TBC1D2B: variants seen among roughly 807,000 people sequenced by gnomAD.
The protein encoded by TBC1D2B is TBC1 domain family member 2B, also known as TBC1 domain family, member 2B.
A neutral mutation model predicts 100.8 loss-of-function variants in TBC1D2B; 64 were observed. That is an observed-to-expected ratio of 0.64 (90% CI 0.52 to 0.78). The LOEUF is 0.78. Among genes scored for constraint, TBC1D2B ranks in the 30% least tolerant of loss-of-function variants. The probability of loss-of-function intolerance (pLI) is 0.00; values close to 1 mark genes in which losing one functional copy is unlikely to be tolerated. For missense variants in TBC1D2B, 1,052 were observed against 1,218.4 expected (o/e 0.86, Z 2.03); for synonymous variants, 480 against 479.7 (o/e 1.00, Z -0.01).
chr15:78,004,878 G>A (rs1046871718), intron 10 of TBC1D2B, among the ~76,000 whole-genome samples: 1 of 152,168 alleles, frequency 6.6e-6, no homozygotes, highest in Non-Finnish European at 1.5e-5. Flanking sequence ...CCACATGTAA[G>A]TGGACCCATG....
intron 3 of TBC1D2B, chr15:78,034,847 G>C: frequency 3.9e-6 from 2 of 515,438 alleles, no homozygotes; most frequent in Non-Finnish European, 5.0e-6. Flanking sequence ...CCCAATTCTA[G>C]GACTGTGCAA....
intron 12 of TBC1D2B, among the ~76,000 whole-genome samples, chr15:78,000,359 C>T (rs1331671354): frequency 2.0e-5 from 3 of 152,230 alleles, no homozygotes; most frequent in Non-Finnish European, 4.4e-5. Context: ...GGACCCAGTA[C>T]AGAACTGAGG....
intron 2 of TBC1D2B, among the ~76,000 whole-genome samples, chr15:78,051,571 G>A (rs1489974018): frequency 1.3e-5 from 2 of 152,202 alleles, no homozygotes; most frequent in East Asian, 3.8e-4. Context: ...ATTGACTTTA[G>A]GTGCTAGGAG....
intron 1 of TBC1D2B, among the ~76,000 whole-genome samples, chr15:78,058,031 T>C (rs1385973182): frequency 6.6e-6 from 1 of 152,218 alleles, no homozygotes; most frequent in Non-Finnish European, 1.5e-5. Context: ...ACAGTAGCCC[T>C]AGCCAGACGT....
chr15:78,068,420 C>CAG (rs1567035938), intron 1 of TBC1D2B, among the ~76,000 whole-genome samples: 2 of 150,868 alleles, frequency 1.3e-5, no homozygotes, highest in Admixed American at 6.6e-5. Context: ...CACACACACA[C>CAG]AGAGGATATG....
chr15:78,029,875 C>A, intron 4 of TBC1D2B, 132 bp downstream of exon 4: 1 of 601,362 alleles, frequency 1.7e-6, no homozygotes. Context: ...GTTTTAAGTC[C>A]GACAAAGAGA....
chr15:78,044,809 G>C (rs1271158676), intron 3 of TBC1D2B, 91 bp downstream of exon 3: 1 of 1,217,470 alleles, frequency 8.2e-7, no homozygotes, highest in Non-Finnish European at 1.1e-6. Flanking sequence ...GTAAGTGTAA[G>C]ATAGTTTTAT....
chr15:78,007,029 G>C (rs1248644162), intron 10 of TBC1D2B, among the ~76,000 whole-genome samples: 17 of 152,246 alleles, frequency 1.1e-4, no homozygotes, highest in Admixed American at 1.1e-3. Context: ...GCCCGTGCCT[G>C]CCTTGGGGCG....
chr15:78,051,210 G>C (rs1257223077), intron 2 of TBC1D2B, among the ~76,000 whole-genome samples: 1 of 152,144 alleles, frequency 6.6e-6, no homozygotes, highest in African/African-American at 2.4e-5. Context: ...AAGGTTTCCT[G>C]TTAATTACAA....
intron 2 of TBC1D2B, chr15:78,053,713 G>A: frequency 4.4e-6 from 1 of 229,796 alleles, no homozygotes; most frequent in Non-Finnish European, 8.5e-6. Context: ...ATCTAGGCAT[G>A]AGTGCTTCAT....
intron 10 of TBC1D2B, among the ~76,000 whole-genome samples, chr15:78,005,934 T>G (rs759757377): frequency 1.3e-5 from 2 of 152,252 alleles, no homozygotes; most frequent in Non-Finnish European, 2.9e-5. Context: ...ATAACAATAC[T>G]ACCAACTTTT....
chr15:78,058,022 CAGT>C (rs1186536188), intron 1 of TBC1D2B, among the ~76,000 whole-genome samples: 1 of 152,250 alleles, frequency 6.6e-6, no homozygotes, highest in Admixed American at 6.5e-5. Context: ...TGTACCAACA[CAGT>C]AGCCCTAGCC....
At chr15:78,026,211 G>A (rs984076140) in intron 4 of TBC1D2B, among the ~76,000 whole-genome samples, 3 of 151,072 alleles carry the variant, frequency 2.0e-5, no homozygotes, top group African/African-American at 7.3e-5. Context: ...CAAAGTTTAT[G>A]TGTTAGAAAT....
chr15:78,006,454 T>G (rs977021442), intron 10 of TBC1D2B, among the ~76,000 whole-genome samples: 1 of 152,232 alleles, frequency 6.6e-6, no homozygotes, highest in African/African-American at 2.4e-5. Flanking sequence ...GAGCTTCTCC[T>G]GGGATCCACT....
intron 2 of TBC1D2B, among the ~76,000 whole-genome samples, chr15:78,047,202 C>T (rs1266269221): frequency 1.4e-5 from 2 of 147,846 alleles, no homozygotes; most frequent in Non-Finnish European, 3.0e-5. Context: ...CTCACTCTGT[C>T]ACTAAGGCCT....
intron 1 of TBC1D2B, among the ~76,000 whole-genome samples, chr15:78,059,564 C>T (rs747410801): frequency 6.6e-6 from 1 of 152,042 alleles, no homozygotes; most frequent in Non-Finnish European, 1.5e-5. Context: ...GGCACCAGCT[C>T]GGAGAATAAA....
chr15:78,000,847 T>G (rs1567010629), intron 12 of TBC1D2B, among the ~76,000 whole-genome samples: 1 of 152,062 alleles, frequency 6.6e-6, no homozygotes, highest in Admixed American at 6.5e-5. Context: ...CCTCCCTCCC[T>G]CTCTTCAATC....
Position 78,001,652 on chromosome 15 carries a change from A to C in TBC1D2B, c.2663T>G (p.Leu888Arg), listed in dbSNP as rs754100285. 6.2e-7 allele frequency: 1 copy of C among 1,608,866 alleles called. No individual in the cohort carries two copies. The highest frequency in any genetic ancestry group is 2.2e-5 in the East Asian group (1 of 44,796). ...AAGGATAGTGCGAGTGAAGTAGCGG[A>C]GATACTTAAATATAGACATCGAATC... ...LQDSMSIFKY[L>R]RYFTRTILDA... The change falls in exon 12 of 13, where the codon CTC becomes CGC. Residue 888 changes from leucine to arginine, a missense_variant. By Grantham distance (102) the Leu-to-Arg change is moderately radical (BLOSUM62 -2). Around this residue, in one of 4 missense-constraint regions of TBC1D2B, gnomAD observed 373 missense variants for 464.9 expected, o/e 0.80. Transcript: ENST00000300584.
chr15:78,068,498 C>A (rs1391860346), intron 1 of TBC1D2B, among the ~76,000 whole-genome samples: 1 of 151,976 alleles, frequency 6.6e-6, no homozygotes, highest in African/African-American at 2.4e-5. Context: ...GTATGAAAGG[C>A]ACAGTAGTGA....
Sources: allele counts gnomAD v4.1 joint callset (sites outside exome capture counted in the v4.1 genomes callset), GRCh38; gene constraint gnomAD v4.1.1; regional missense constraint gnomAD v4.1.1; transcripts MANE v1.5; gene names NCBI Gene and HGNC (gene_info 2026-07-23, HGNC 2026-07-21).